Variants in ZNF521 observed in about 807,000 individuals in gnomAD.
The protein encoded by ZNF521 is zinc finger protein 521.
In ZNF521, 14 loss-of-function variants were observed where a neutral mutation model predicts 105.5. That is an observed-to-expected ratio of 0.13 (90% CI 0.09 to 0.21). ZNF521 has a LOEUF of 0.21. Among genes scored for constraint, ZNF521 ranks in the 10% least tolerant of loss-of-function variants. The pLI, the probability that ZNF521 is intolerant of heterozygous loss-of-function variation, is 1.00. For missense variants in ZNF521, 1,233 were observed against 1,629.7 expected (o/e 0.76, Z 4.19); for synonymous variants, 635 against 606.0 (o/e 1.05, Z -0.70).
intron 4 of ZNF521, among the ~76,000 whole-genome samples, chr18:25,220,748 G>A (rs1905665760): frequency 6.6e-6 from 1 of 152,114 alleles, no homozygotes; most frequent in South Asian, 2.1e-4. Context: ...AGTTGCTCAG[G>A]GAAACTTGAC....
At chr18:25,275,186 T>A (rs1909951347) in intron 3 of ZNF521, among the ~76,000 whole-genome samples, 1 of 152,158 alleles carries the variant, frequency 6.6e-6, no homozygotes, top group African/African-American at 2.4e-5. Flanking sequence ...GCGATAAAAC[T>A]TGCAAAAATA....
At chr18:25,181,631 C>T (rs1171770950) in intron 5 of ZNF521, among the ~76,000 whole-genome samples, 2 of 152,116 alleles carry the variant, frequency 1.3e-5, no homozygotes, top group African/African-American at 2.4e-5. Flanking sequence ...TTCTAGTTCC[C>T]ATCAAGTCAA....
chr18:25,215,595 T>C (rs1051639236), intron 4 of ZNF521, among the ~76,000 whole-genome samples: 112 of 152,344 alleles, frequency 7.4e-4, no homozygotes, highest in African/African-American at 2.5e-3. Context: ...ATAAATGTTA[T>C]TATGTGCAAT....
intron 5 of ZNF521, among the ~76,000 whole-genome samples, chr18:25,174,704 G>A (rs925496538): frequency 1.3e-5 from 2 of 152,084 alleles, no homozygotes; most frequent in South Asian, 2.1e-4. Flanking sequence ...AATCACTTTC[G>A]TTCCAACTCT....
chr18:25,342,778 T>C (rs1227313500), intron 2 of ZNF521, among the ~76,000 whole-genome samples: 5 of 152,190 alleles, frequency 3.3e-5, no homozygotes, highest in Admixed American at 2.6e-4. Context: ...AAGGTGCTGA[T>C]AGTGGTAATA....
chr18:25,351,922 GAGAGCA>G, intron 1 of ZNF521, 77 bp downstream of exon 1: 1 of 283,016 alleles, frequency 3.5e-6, no homozygotes, highest in South Asian at 3.0e-5. Context: ...CAGCGGCGGC[GAGAGCA>G]GGAGGAGGAG....
intron 6 of ZNF521, among the ~76,000 whole-genome samples, chr18:25,090,610 C>A (rs765237296): frequency 5.9e-5 from 9 of 152,062 alleles, no homozygotes; most frequent in African/African-American, 1.4e-4. Context: ...AGACTGTGCA[C>A]GATTAATGCA....
At chr18:25,211,104 A>G (rs1423700973) in intron 4 of ZNF521, among the ~76,000 whole-genome samples, 2 of 152,262 alleles carry the variant, frequency 1.3e-5, no homozygotes, top group Non-Finnish European at 2.9e-5. Context: ...TCTAATCACA[A>G]TAACAAGAGA....
chr18:25,342,804 ATAAACT>A (rs758115896), intron 2 of ZNF521, among the ~76,000 whole-genome samples: 9 of 152,250 alleles, frequency 5.9e-5, no homozygotes, highest in Non-Finnish European at 1.0e-4. Context: ...CATATGTCTG[ATAAACT>A]TAACACAACT....
intron 4 of ZNF521, among the ~76,000 whole-genome samples, chr18:25,208,279 C>T (rs1395212684): frequency 6.6e-6 from 1 of 151,998 alleles, no homozygotes; most frequent in Non-Finnish European, 1.5e-5. Context: ...CCTTTTGTGC[C>T]CAACGTCTAT....
intron 5 of ZNF521, among the ~76,000 whole-genome samples, chr18:25,113,765 C>CACACACAT (rs2034246741): frequency 1.3e-5 from 1 of 74,866 alleles, no homozygotes; most frequent in African/African-American, 5.4e-5. Flanking sequence ...CGGACGGACA[C>CACACACAT]ACACACACAC....
At chr18:25,152,054 A>AT (rs2035057056) in intron 5 of ZNF521, among the ~76,000 whole-genome samples, 1 of 152,202 alleles carries the variant, frequency 6.6e-6, no homozygotes, top group South Asian at 2.1e-4. Context: ...ATGAGGAATG[A>AT]TCCCAAAAGA....
At chr18:25,340,050 T>C (rs910306666) in intron 2 of ZNF521, among the ~76,000 whole-genome samples, 1 of 152,148 alleles carries the variant, frequency 6.6e-6, no homozygotes, top group Non-Finnish European at 1.5e-5. Flanking sequence ...TAAATTAAAA[T>C]GCTGTCTTTA....
chr18:25,178,206 T>C (rs968054110), intron 5 of ZNF521, among the ~76,000 whole-genome samples: 3 of 152,232 alleles, frequency 2.0e-5, no homozygotes, highest in African/African-American at 7.2e-5. Flanking sequence ...TATAGTGAAT[T>C]CATATACAGA....
chr18:25,063,913 T>C (rs2032981265), intron 7 of ZNF521, among the ~76,000 whole-genome samples: 1 of 152,240 alleles, frequency 6.6e-6, no homozygotes, highest in Non-Finnish European at 1.5e-5. Flanking sequence ...CTCTCCCTTC[T>C]CTGATTTCCT....
intron 3 of ZNF521, among the ~76,000 whole-genome samples, chr18:25,277,278 T>C (rs1910096456): frequency 6.6e-6 from 1 of 152,142 alleles, no homozygotes; most frequent in East Asian, 1.9e-4. Flanking sequence ...TATCAAATAT[T>C]ATAATTTTTC....
chr18:25,196,576 T>C (rs1167468162), intron 4 of ZNF521, among the ~76,000 whole-genome samples: 1 of 151,626 alleles, frequency 6.6e-6, no homozygotes, highest in African/African-American at 2.4e-5. Flanking sequence ...ATATTTCCAT[T>C]GGAAGCTGTC....
intron 5 of ZNF521, among the ~76,000 whole-genome samples, chr18:25,107,338 A>C (rs546587605): frequency 6.6e-6 from 1 of 152,294 alleles, no homozygotes; most frequent in East Asian, 1.9e-4. Context: ...ATCTTTTAAC[A>C]CTCAGCATTT....
intron 7 of ZNF521, among the ~76,000 whole-genome samples, chr18:25,074,065 C>CGTGTGTGCACAT (rs1404049133): frequency 1.7e-5 from 2 of 117,476 alleles, no homozygotes; most frequent in Admixed American, 8.1e-5. Flanking sequence ...TGTGTGCGCA[C>CGTGTGTGCACAT]GCGTGTGTGC....
Sources: gnomAD v4.1 joint callset for allele counts (sites outside exome capture counted in the v4.1 genomes callset) on GRCh38, gnomAD v4.1.1 for gene constraint, MANE v1.5 for transcripts, NCBI Gene and HGNC (gene_info 2026-07-23, HGNC 2026-07-21) for gene names.